The following MARCHF3 variants were observed in gnomAD, a reference collection of about 807,000 sequenced individuals.
MARCHF3 encodes the protein membrane associated ring-CH-type finger 3.
A neutral mutation model predicts 24.2 loss-of-function variants in MARCHF3; 13 were observed. That is an observed-to-expected ratio of 0.54 (90% CI 0.35 to 0.85). The LOEUF (loss-of-function observed/expected upper bound fraction) is 0.85, where lower values mean the gene tolerates loss of function less well. Among genes scored for constraint, MARCHF3 ranks in the 40% least tolerant of loss-of-function variants. The pLI is 0.01. For synonymous variants in MARCHF3, 144 were observed against 137.3 expected (o/e 1.05, Z -0.34); for missense variants, 276 against 325.0 (o/e 0.85, Z 1.16).
intron 1 of MARCHF3, among the ~76,000 whole-genome samples, chr5:126,971,936 C>T (rs185757356): frequency 6.6e-6 from 1 of 152,146 alleles, no homozygotes; most frequent in Non-Finnish European, 1.5e-5. Flanking sequence ...CTCAGTGAAC[C>T]GGCAACTTAG....
intron 1 of MARCHF3, among the ~76,000 whole-genome samples, chr5:126,947,259 T>A (rs1750056986): frequency 6.6e-6 from 1 of 152,218 alleles, no homozygotes; most frequent in Admixed American, 6.5e-5. Flanking sequence ...TGATGTTTTT[T>A]AAAGCCCATT....
Position 126,870,473 on chromosome 5 carries a change from T to A in MARCHF3, c.*160A>T. On this transcript the variant is annotated 3_prime_UTR_variant, in exon 5 of 5. Transcript: ENST00000308660. ...AAGTAAAACAGCATTTGCTTTCTTC[T>A]GGCGGAGGTTGTTGCTTGGAGTGAT... 2 of 568,048 alleles carry A rather than the reference T, an allele frequency of 3.5e-6. No homozygotes were observed. The highest frequency in any genetic ancestry group is 6.3e-6 in the Non-Finnish European group (2 of 318,164). The allele number at this position is 568,048 out of a possible 1,614,324, so 35.2% of individuals were successfully genotyped here. A position where few individuals can be genotyped will look rare whatever the true frequency, so the allele number is the denominator to read the frequency against.
chr5:126,945,963 T>C (rs76504705), intron 1 of MARCHF3, among the ~76,000 whole-genome samples: 3,100 of 152,238 alleles, frequency 0.02, 74 homozygotes, highest in South Asian at 0.11. Context: ...GGGGTGGTGT[T>C]TGCAGCCCTT....
At chr5:126,979,409 C>T (rs1353143514) in intron 1 of MARCHF3, among the ~76,000 whole-genome samples, 1 of 152,178 alleles carries the variant, frequency 6.6e-6, no homozygotes, top group Non-Finnish European at 1.5e-5. Context: ...GTGAGGAAAA[C>T]GAAGTCTTAA....
chr5:126,920,094 G>A (rs1749053689), intron 1 of MARCHF3, among the ~76,000 whole-genome samples: 1 of 152,102 alleles, frequency 6.6e-6, no homozygotes, highest in African/African-American at 2.4e-5. Flanking sequence ...AACTATGGAA[G>A]AGCACAAAGA....
chr5:127,006,662 TA>T (rs1457936405), intron 1 of MARCHF3, among the ~76,000 whole-genome samples: 5 of 152,196 alleles, frequency 3.3e-5, no homozygotes, highest in Non-Finnish European at 7.4e-5. Flanking sequence ...GAAAGATGAA[TA>T]TAACTATCTG....
chr5:126,985,755 G>A (rs111883369), intron 1 of MARCHF3, among the ~76,000 whole-genome samples: 7,845 of 152,228 alleles, frequency 0.052, 376 homozygotes, highest in South Asian at 0.14. Flanking sequence ...GATTACAGGC[G>A]TGAGCCACTG....
chr5:126,936,679 A>T (rs1749657167), intron 1 of MARCHF3, among the ~76,000 whole-genome samples: 1 of 152,226 alleles, frequency 6.6e-6, no homozygotes, highest in Non-Finnish European at 1.5e-5. Flanking sequence ...ACAGTTGAAC[A>T]AATAGCATTT....
intron 1 of MARCHF3, among the ~76,000 whole-genome samples, chr5:126,953,050 C>G (rs942499296): frequency 6.6e-6 from 1 of 152,094 alleles, no homozygotes; most frequent in African/African-American, 2.4e-5. Flanking sequence ...ACCTCAAGGT[C>G]AAGTCTGTTT....
intron 1 of MARCHF3, among the ~76,000 whole-genome samples, chr5:127,021,828 A>G: frequency 6.6e-6 from 1 of 152,250 alleles, no homozygotes. Flanking sequence ...GAAAAAAGTG[A>G]CAAATGTTGA....
chr5:126,888,875 G>A (rs188809973), intron 3 of MARCHF3, among the ~76,000 whole-genome samples: 193 of 152,092 alleles, frequency 1.3e-3, no homozygotes, highest in Non-Finnish European at 2.1e-3. Context: ...AGCTATTCTC[G>A]TGCCTCAGCC....
chr5:127,002,890 G>T (rs1561468136), intron 1 of MARCHF3, among the ~76,000 whole-genome samples: 1 of 152,182 alleles, frequency 6.6e-6, no homozygotes, highest in Non-Finnish European at 1.5e-5. Flanking sequence ...AAGACGAAAT[G>T]AATTTCTACC....
At chr5:126,917,597 A>G (rs1461050131) in intron 2 of MARCHF3, among the ~76,000 whole-genome samples, 1 of 152,154 alleles carries the variant, frequency 6.6e-6, no homozygotes, top group Non-Finnish European at 1.5e-5. Flanking sequence ...TTTTGCCCAC[A>G]AATCCAATCA....
chr5:126,942,744 T>C (rs1415311627), intron 1 of MARCHF3, among the ~76,000 whole-genome samples: 6 of 152,250 alleles, frequency 3.9e-5, no homozygotes, highest in African/African-American at 7.2e-5. Flanking sequence ...CAAGTGGTTA[T>C]TGGCTTTTAT....
chr5:126,983,775 T>C lies in MARCHF3; in HGVS notation c.-57+46575A>G, dbSNP rs113190107. On this transcript the variant is annotated intron_variant, in intron 1 of 4. Coordinates refer to ENST00000308660, the MANE Select transcript of MARCHF3 (RefSeq NM_178450.5). ...AGAAGGAGCGCAGGATGCAAAGGGT[T>C]CTCTCAGAAGAGGCCTATACCAAAG... Among the ~76,000 whole-genome samples the C allele has an allele frequency of 7.7e-3, 1,174 of 152,226 alleles. 10 individuals carry two copies. The highest frequency in any genetic ancestry group is 0.027 in the African/African-American group (1,108 of 41,518).
chr5:126,918,162 T>C lies in MARCHF3; in HGVS notation c.10A>G (p.Ser4Gly), dbSNP rs1472602202. The change falls in exon 2 of 5, where the codon AGC becomes GGC. Residue 4 changes from serine (S) to glycine (G), a missense_variant. Physicochemically the swap from Ser to Gly is moderately conservative, Grantham distance 56. Coordinates refer to ENST00000308660, the MANE Select transcript of MARCHF3 (RefSeq NM_178450.5). MTT[S>G]RCSHLPEVLP... ...ACTTCGGGCAGGTGACTGCAGCGGC[T>C]GGTTGTCATGGTAACAGACAGCAAT... is the stretch of plus-strand genomic sequence containing the variant. The C allele has an allele frequency of 1.2e-6, 2 of 1,613,150 alleles. No homozygotes were observed. The highest frequency in any genetic ancestry group is 2.2e-5 in the South Asian group (2 of 90,964).
chr5:126,871,901 T>G (rs1052914005), intron 4 of MARCHF3, among the ~76,000 whole-genome samples: 6 of 149,316 alleles, frequency 4.0e-5, no homozygotes, highest in African/African-American at 1.5e-4. Flanking sequence ...GAGACAGGGT[T>G]TCACCATGTT....
intron 1 of MARCHF3, among the ~76,000 whole-genome samples, chr5:127,009,411 CAGAG>C (rs1401325255): frequency 1.3e-5 from 2 of 152,156 alleles, no homozygotes; most frequent in Non-Finnish European, 2.9e-5. Context: ...TCTCTATTAT[CAGAG>C]AGAACTTAAA....
chr5:126,924,025 T>C (rs1051741301), intron 1 of MARCHF3, among the ~76,000 whole-genome samples: 11 of 152,152 alleles, frequency 7.2e-5, no homozygotes, highest in Admixed American at 3.3e-4. Flanking sequence ...AATCCTACTT[T>C]ACATTTCCCA....
Sources: allele counts gnomAD v4.1 joint callset (sites outside exome capture counted in the v4.1 genomes callset), GRCh38; gene constraint gnomAD v4.1.1; transcripts MANE v1.5; gene names NCBI Gene and HGNC (gene_info 2026-07-23, HGNC 2026-07-21).